The following ESRRG variants were observed in gnomAD, a reference collection of about 807,000 sequenced individuals.
ESRRG encodes estrogen related receptor gamma, also known as estrogen-related receptor gamma.
In ESRRG, 13 loss-of-function variants were observed where a neutral mutation model predicts 44.0. The observed-to-expected ratio is 0.30, with a 90% CI of 0.19 to 0.47. ESRRG has a LOEUF of 0.47. Ranked by LOEUF, ESRRG falls within the 20% of genes least tolerant of loss-of-function variation. ESRRG has a pLI of 1.00. For missense variants in ESRRG, 395 were observed against 580.6 expected (o/e 0.68, Z 3.29); for synonymous variants, 215 against 214.6 (o/e 1.00, Z -0.02).
intron 1 of ESRRG, among the ~76,000 whole-genome samples, chr1:217,020,698 A>G (rs1215660009): frequency 1.3e-5 from 2 of 152,200 alleles, no homozygotes; most frequent in Non-Finnish European, 2.9e-5. Context: ...TAAGACTTAT[A>G]AGGTGCTGTT....
intron 2 of ESRRG, among the ~76,000 whole-genome samples, chr1:216,821,826 C>T (rs975091819): frequency 4.0e-5 from 6 of 151,538 alleles, no homozygotes; most frequent in African/African-American, 7.3e-5. Flanking sequence ...GCCTATCTCA[C>T]TTGTGTCTTA....
At chr1:216,613,042 A>C (rs2060887607) in intron 3 of ESRRG, among the ~76,000 whole-genome samples, 1 of 152,298 alleles carries the variant, frequency 6.6e-6, no homozygotes, top group South Asian at 2.1e-4. Flanking sequence ...TCTGCTTTCC[A>C]TAGTATCTTA....
At chr1:216,923,207 A>G (rs2062049775) in intron 2 of ESRRG, among the ~76,000 whole-genome samples, 1 of 152,222 alleles carries the variant, frequency 6.6e-6, no homozygotes, top group Non-Finnish European at 1.5e-5. Flanking sequence ...CAAGGGTCTC[A>G]AAGCGCTGAG....
At chr1:216,756,649 T>C (rs916117341) in intron 2 of ESRRG, among the ~76,000 whole-genome samples, 1 of 152,024 alleles carries the variant, frequency 6.6e-6, no homozygotes, top group Non-Finnish European at 1.5e-5. Context: ...ATGAATAAGA[T>C]TTCCAAAGCT....
In ESRRG at chr1:216,519,500, G is replaced by A. The variant is rs370326324; in HGVS notation, c.863-79C>T. 115 of 1,373,942 alleles carry A rather than the reference G, an allele frequency of 8.4e-5. No homozygotes were observed. In the East Asian group the frequency reaches 1.6e-3, roughly 19 times the overall value. 85.1% of individuals were successfully genotyped at this position (1,373,942 alleles called of 1,614,324 possible). A position where few individuals can be genotyped will look rare whatever the true frequency, so the allele number is the denominator to read the frequency against. ...CAACATTAGTTTCATATGGTAGCTG[G>A]CTTCTGCATCAGTGCTCAAAATTAT... On this transcript the variant is annotated intron_variant, in intron 5 of 6. Coordinates refer to ENST00000408911, the MANE Select transcript of ESRRG (RefSeq NM_001438.4).
rs1314733530 is a variant in ESRRG at position 216,723,406 on chromosome 1, C to T, written c.-107G>A. 4.2e-5 allele frequency: 44 copies of T among 1,040,902 alleles called. No homozygotes were observed. The highest frequency in any genetic ancestry group is 5.2e-5 in the Non-Finnish European group (35 of 669,666). 64.5% of individuals were successfully genotyped at this position (1,040,902 alleles called of 1,614,324 possible). A position where few individuals can be genotyped will look rare whatever the true frequency, so the allele number is the denominator to read the frequency against. On this transcript the variant is annotated 5_prime_UTR_variant, in exon 1 of 7. Transcript: ENST00000408911. ...GTTCTCCTAGTGACAAGCCTATAGG[C>T]ACAGCCAGTTGGGACCAAAGCTCTC...
chr1:216,683,918 T>C (rs1340295077), intron 1 of ESRRG, among the ~76,000 whole-genome samples: 1 of 152,190 alleles, frequency 6.6e-6, no homozygotes, highest in Non-Finnish European at 1.5e-5. Context: ...TAAACCAGGA[T>C]GGTTTGTCAC....
intron 1 of ESRRG, among the ~76,000 whole-genome samples, chr1:217,003,754 A>C (rs1579343246): frequency 6.6e-6 from 1 of 151,908 alleles, no homozygotes; most frequent in East Asian, 1.9e-4. Flanking sequence ...CAGATTACCC[A>C]TAATATTTGT....
At chr1:216,548,655 T>C (rs2055306148) in intron 5 of ESRRG, among the ~76,000 whole-genome samples, 1 of 152,018 alleles carries the variant, frequency 6.6e-6, no homozygotes, top group Non-Finnish European at 1.5e-5. Flanking sequence ...CTACCCTGAT[T>C]CCAAATGTTA....
At chr1:216,602,036 T>C (rs1425467960) in intron 3 of ESRRG, among the ~76,000 whole-genome samples, 1 of 152,184 alleles carries the variant, frequency 6.6e-6, no homozygotes, top group African/African-American at 2.4e-5. Context: ...GAAATAAGCA[T>C]TGGATAAAAA....
chr1:216,892,835 A>C (rs1302095040), intron 2 of ESRRG, among the ~76,000 whole-genome samples: 1 of 151,930 alleles, frequency 6.6e-6, no homozygotes, highest in Non-Finnish European at 1.5e-5. Context: ...CCTGCTTGGC[A>C]CCTCTAGAAC....
chr1:216,934,145 TACCAGA>T (rs2063754840), intron 2 of ESRRG, among the ~76,000 whole-genome samples: 1 of 152,196 alleles, frequency 6.6e-6, no homozygotes, highest in Admixed American at 6.5e-5. Context: ...GATAAAGACA[TACCAGA>T]GGCTGGGGGT....
intron 5 of ESRRG, among the ~76,000 whole-genome samples, chr1:216,524,623 T>C (rs1163192928): frequency 1.3e-5 from 2 of 152,162 alleles, no homozygotes; most frequent in Non-Finnish European, 2.9e-5. Context: ...CTAGCTAATT[T>C]AGTCATTTGT....
intron 2 of ESRRG, among the ~76,000 whole-genome samples, chr1:216,815,450 T>C (rs1449310806): frequency 6.6e-6 from 1 of 152,186 alleles, no homozygotes; most frequent in African/African-American, 2.4e-5. Flanking sequence ...GGTTTGGCAT[T>C]ATCTGGAAGG....
chr1:216,658,060 C>T (rs1274558922), intron 2 of ESRRG, among the ~76,000 whole-genome samples: 4 of 152,090 alleles, frequency 2.6e-5, no homozygotes, highest in Non-Finnish European at 2.9e-5. Context: ...AGCAGGCAGG[C>T]TTTTAAACCC....
chr1:216,642,403 C>A (rs140836020), intron 3 of ESRRG, among the ~76,000 whole-genome samples: 1 of 151,756 alleles, frequency 6.6e-6, no homozygotes, highest in African/African-American at 2.4e-5. Flanking sequence ...ATCAACAAAA[C>A]GTGAAAAAAA....
At chr1:216,897,928 C>T (rs1266095808) in intron 2 of ESRRG, among the ~76,000 whole-genome samples, 1 of 152,158 alleles carries the variant, frequency 6.6e-6, no homozygotes, top group Non-Finnish European at 1.5e-5. Context: ...CCCATCCTGT[C>T]ACCCTTTATC....
intron 2 of ESRRG, among the ~76,000 whole-genome samples, chr1:216,922,702 G>A (rs1258821644): frequency 6.6e-6 from 1 of 152,168 alleles, no homozygotes; most frequent in Non-Finnish European, 1.5e-5. Context: ...AAAAGGAGCT[G>A]GGAAACAAGA....
chr1:216,610,685 G>T (rs898261767), intron 3 of ESRRG, among the ~76,000 whole-genome samples: 1 of 152,114 alleles, frequency 6.6e-6, no homozygotes, highest in African/African-American at 2.4e-5. Flanking sequence ...TTGTGTGTGT[G>T]TGTGTGTATA....
Sources: gnomAD v4.1 joint callset for allele counts (sites outside exome capture counted in the v4.1 genomes callset) on GRCh38, gnomAD v4.1.1 for gene constraint, MANE v1.5 for transcripts, NCBI Gene and HGNC (gene_info 2026-07-23, HGNC 2026-07-21) for gene names.